Variants in EP400 observed in about 807,000 individuals in gnomAD.
EP400 encodes E1A-binding protein p400.
In EP400, 105 loss-of-function variants were observed where a neutral mutation model predicts 354.1. That is an observed-to-expected ratio of 0.30 (90% CI 0.25 to 0.35). EP400 has a LOEUF of 0.35. Ranked by LOEUF, EP400 falls within the 10% of genes least tolerant of loss-of-function variation. EP400 has a pLI of 1.00. For missense variants in EP400, 3,280 were observed against 4,121.0 expected, an observed-to-expected ratio of 0.80 and a Z score of 5.59; for synonymous variants, 1,646 against 1,716.9, an observed-to-expected ratio of 0.96 and a Z score of 1.02.
chr12:131,963,369 G>A (rs1891965781), intron 2 of EP400, among the ~76,000 whole-genome samples: 1 of 152,188 alleles, frequency 6.6e-6, no homozygotes, highest in African/African-American at 2.4e-5. Context: ...AGGTTGTTGT[G>A]CTATAAATCT....
chr12:132,057,799 A>G (rs1895561127), intron 45 of EP400, among the ~76,000 whole-genome samples: 1 of 152,202 alleles, frequency 6.6e-6, no homozygotes. Context: ...CACTGTTTCT[A>G]TGAGGGTACC....
chr12:131,965,513 A>G (rs1892045543), intron 2 of EP400, among the ~76,000 whole-genome samples: 1 of 152,222 alleles, frequency 6.6e-6, no homozygotes. Flanking sequence ...ATGTACATTC[A>G]GTAAAATGCA....
In EP400 at chr12:131,981,598, TA is replaced by T; in HGVS notation, c.1543+4del. 6.3e-7 allele frequency: 1 copy of T among 1,591,888 alleles called. No homozygotes were observed. Among genetic ancestry groups the T allele is most frequent in the Admixed American group, 1.8e-5 (1 of 56,348 alleles). On this transcript the variant is annotated splice_donor_region_variant and intron_variant, in intron 4 of 52. Transcript: ENST00000389561. ...AGCAACTAATGCCGACCGCACAAGG[TA>T]AGGCCCAGCAGCAGAGCCAGCTCCC... is the stretch of plus-strand genomic sequence containing the variant.
chr12:132,030,187 T>C (rs1192402164), intron 29 of EP400, 29 bp downstream of exon 29: 20 of 1,612,032 alleles, frequency 1.2e-5, no homozygotes, highest in Admixed American at 1.7e-5. Context: ...ACATTGTCTC[T>C]GATGGGTCAG....
At chr12:132,074,359 T>C (rs914032930) in intron 51 of EP400, among the ~76,000 whole-genome samples, 6 of 152,132 alleles carry the variant, frequency 3.9e-5, no homozygotes, top group Admixed American at 1.3e-4. Flanking sequence ...CTGCCTGTTA[T>C]TGAGACGTTG....
At chr12:131,964,321 G>T (rs1050309154) in intron 2 of EP400, among the ~76,000 whole-genome samples, 1 of 152,170 alleles carries the variant, frequency 6.6e-6, no homozygotes. Context: ...ATGAAAATTA[G>T]CTGGGCATGG....
chr12:132,013,187 G>T lies in EP400; in HGVS notation c.3611+9G>T, dbSNP rs1282669050. On this transcript the variant is annotated intron_variant, in intron 17 of 52. Transcript: ENST00000389561. The surrounding 1 kb of genome is among the most constrained non-coding windows in gnomAD (Gnocchi z 4.5). Reference sequence around the variant, plus strand: ...GTTTTCACCCTGCAGAGGTCTGTGTGTTACGCGCTTGTCATTGAGTGTTCT... The same window carrying T: ...GTTTTCACCCTGCAGAGGTCTGTGTTTTACGCGCTTGTCATTGAGTGTTCT... 3.1e-6 allele frequency: 5 copies of T among 1,600,320 alleles called. No individual in the cohort carries two copies. In the South Asian group the frequency reaches 3.3e-5, roughly 11 times the overall value.
At position 132,053,403 on chromosome 12, in the gene EP400, C is replaced by T. The variant is rs1167859184; in HGVS notation, c.7534C>T (p.Pro2512Ser). The part of the protein sequence containing the change: ...PAVAQPPPPQ[P>S]QPPPPPQQPP... ...CGTGGCCCAGCCACCCCCGCCCCAGCCGCAGCCCCCACCACCCCCGCAGCA... is the reference window on the plus strand; with the variant it reads ...CGTGGCCCAGCCACCCCCGCCCCAGTCGCAGCCCCCACCACCCCCGCAGCA... The change falls in exon 43 of 53, where the codon CCG (proline) becomes TCG (serine). Residue 2512 changes from proline (P) to serine (S), a missense_variant. By Grantham distance (74) the Pro-to-Ser change is moderately conservative. Around this residue, in one of 20 missense-constraint regions of EP400, gnomAD observed 255 missense variants for 295.9 expected, o/e 0.86. Coordinates refer to ENST00000389561, the MANE Select transcript of EP400 (RefSeq NM_015409.5). The T allele has an allele frequency of 1.4e-6, 2 of 1,411,676 alleles. No homozygotes were observed. Among genetic ancestry groups the T allele is most frequent in the Non-Finnish European group, 1.9e-6 (2 of 1,048,308 alleles). The allele number at this position is 1,411,676 out of a possible 1,614,324, so 87.4% of individuals were successfully genotyped here.
intron 15 of EP400, among the ~76,000 whole-genome samples, chr12:132,009,226 C>T (rs904542873): frequency 3.9e-5 from 6 of 151,930 alleles, no homozygotes; most frequent in Admixed American, 3.9e-4. Flanking sequence ...GCCATCGTGC[C>T]CAGCCTGGAA....
chr12:132,068,406 G>A (rs914033792), intron 50 of EP400: 5 of 152,340 alleles, frequency 3.3e-5, no homozygotes, highest in African/African-American at 1.2e-4. Context: ...GTAAAAGGCA[G>A]CTGGCTGACT....
intron 29 of EP400, chr12:132,031,174 T>TG (rs1296332765): frequency 1.8e-5 from 9 of 487,660 alleles, no homozygotes; most frequent in Non-Finnish European, 3.3e-5. Flanking sequence ...TCTCCCTTCA[T>TG]GGTCAACAGT....
At chr12:132,063,971 C>G (rs530651314) in intron 47 of EP400, among the ~76,000 whole-genome samples, 2 of 151,112 alleles carry the variant, frequency 1.3e-5, no homozygotes, top group African/African-American at 4.9e-5. Context: ...TTGACCCCCC[C>G]GGCCCACAGC....
At chr12:132,057,945 G>T (rs921139838) in intron 45 of EP400, among the ~76,000 whole-genome samples, 1 of 152,186 alleles carries the variant, frequency 6.6e-6, no homozygotes, top group Non-Finnish European at 1.5e-5. Context: ...CTGGCACTGT[G>T]GGCCCAAGAC....
chr12:131,957,530 T>C (rs1411936968), intron 1 of EP400, among the ~76,000 whole-genome samples: 3 of 151,396 alleles, frequency 2.0e-5, no homozygotes, highest in African/African-American at 7.3e-5. Context: ...TCTTTCTTTT[T>C]TTTTTTTTAC....
chr12:132,066,884 T>A lies in EP400; in HGVS notation c.8664T>A (p.Ala2888=). 1 of 1,613,652 alleles carries A rather than the reference T, an allele frequency of 6.2e-7. No homozygotes were observed. Among genetic ancestry groups the A allele is most frequent in the South Asian group, 1.1e-5 (1 of 91,012 alleles). Residue 2888 remains alanine, a synonymous_variant, in exon 49 of 53, where the codon GCT becomes GCA. Transcript: ENST00000389561. ...AKPPVVSVPA[A]VVSSPGVTTL... ...CTCCGGTGGTGTCCGTCCCGGCAGC[T>A]GTGGTCTCCTCACCGGGAGTCACCA...
chr12:132,033,985 G>T (rs1453903868), intron 30 of EP400, among the ~76,000 whole-genome samples: 1 of 152,196 alleles, frequency 6.6e-6, no homozygotes, highest in African/African-American at 2.4e-5. Context: ...TCCTGCAGAG[G>T]CAGCAATTAT....
At chr12:132,069,469 G>A in intron 50 of EP400, 26 bp from the exon 51 acceptor site, 1 of 1,611,186 alleles carries the variant, frequency 6.2e-7, no homozygotes, top group Non-Finnish European at 8.5e-7. Flanking sequence ...GGTCTCTGCG[G>A]CCCTAATTTC....
rs545361924 is a variant in EP400 at position 132,013,093 on chromosome 12, C to T, written c.3526C>T (p.Arg1176Cys). ...GGGCCTCACCGCCTTCACACGAGTG[C>T]GCTGGAAGTGCCTGGTCATTGATGA... ...FRGLTAFTRV[R>C]WKCLVIDEMQ... The change falls in exon 17 of 53, where the codon CGC becomes TGC. Residue 1176 changes from arginine (R) to cysteine (C), a missense_variant. Arg to Cys is a radical substitution (Grantham distance 180, BLOSUM62 -3). Transcript: ENST00000389561. The surrounding 1 kb of genome is among the most constrained non-coding windows in gnomAD (Gnocchi z 4.5). 3.1e-5 allele frequency: 50 copies of T among 1,614,088 alleles called. No individual in the cohort carries two copies. The East Asian group carries it at 4.0e-4, about 13-fold the overall frequency.
At position 131,961,900 on chromosome 12, in the gene EP400, AGAGGAGGAG is replaced by A. The variant is rs752787745; in HGVS notation, c.1290_1298del (p.Glu435_Glu437del). 1.1e-5 allele frequency: 18 copies of A among 1,613,136 alleles called. No individual in the cohort carries two copies. Among genetic ancestry groups the A allele is most frequent in the East Asian group, 4.5e-5 (2 of 44,890 alleles). ...GGCAGAATGATTTGGACATTGAAGA[AGAGGAGGAG>A]GAGGAGGAAGAGGAGGAAGAAAAAT... On this transcript the variant is annotated inframe_deletion, in exon 2 of 53. Transcript: ENST00000389561.
Sources: gnomAD v4.1 joint callset for allele counts (sites outside exome capture counted in the v4.1 genomes callset) on GRCh38, gnomAD v4.1.1 for gene constraint, gnomAD v4.1.1 regional missense constraint, Gnocchi (gnomAD v3.1) non-coding constraint, MANE v1.5 for transcripts, NCBI Gene and HGNC (gene_info 2026-07-23, HGNC 2026-07-21) for gene names.